Variants in FZD3 observed in about 807,000 individuals in gnomAD.
FZD3 encodes frizzled-3.
A neutral mutation model predicts 60.7 loss-of-function variants in FZD3; 30 were observed. That is an observed-to-expected ratio of 0.49 (90% confidence interval 0.37 to 0.67). The LOEUF (loss-of-function observed/expected upper bound fraction) is 0.67, where lower values mean the gene tolerates loss of function less well. Among genes scored for constraint, FZD3 ranks in the 30% least tolerant of loss-of-function variants. The probability of loss-of-function intolerance (pLI) is 0.00; values close to 1 mark genes in which losing one functional copy is unlikely to be tolerated. For synonymous variants in FZD3, 246 were observed against 275.2 expected (o/e 0.89, Z 1.05); for missense variants, 605 against 838.7 (o/e 0.72, Z 3.44).
chr8:28,541,073 T>C (rs1291397523), intron 5 of FZD3, among the ~76,000 whole-genome samples: 1 of 152,230 alleles, frequency 6.6e-6, no homozygotes, highest in Non-Finnish European at 1.5e-5. Context: ...ATGGCCTGTT[T>C]TACGTACTAA....
intron 7 of FZD3, among the ~76,000 whole-genome samples, chr8:28,557,637 G>A (rs1448606611): frequency 2.6e-5 from 4 of 152,100 alleles, no homozygotes; most frequent in Admixed American, 2.6e-4. Context: ...TGACTATTTT[G>A]AATATTTTTC....
At chr8:28,545,135 G>A (rs1416870810) in intron 5 of FZD3, among the ~76,000 whole-genome samples, 2 of 152,118 alleles carry the variant, frequency 1.3e-5, no homozygotes, top group African/African-American at 4.8e-5. Context: ...GTTATGGAGG[G>A]GACAAACATT....
chr8:28,549,329 G>T (rs1387986540), intron 5 of FZD3, among the ~76,000 whole-genome samples: 1 of 152,116 alleles, frequency 6.6e-6, no homozygotes, highest in African/African-American at 2.4e-5. Context: ...TTGGATAGAG[G>T]AGACAGTTTA....
chr8:28,527,639 C>CT lies in FZD3; in HGVS notation c.880dup (p.Tyr294LeufsTer28), dbSNP rs754763626. ...CCTGTACCATGCTTTTTATGATACT[C>CT]TATTTTTTTACTATGGCTGGCAGTG... On this transcript the variant is annotated frameshift_variant, in exon 5 of 8. Transcript: ENST00000240093. LOFTEE classifies it high-confidence loss of function. This position sits in a 1 kb window ranked among gnomAD's most constrained non-coding sequence, Gnocchi z 5.0. 1.2e-6 allele frequency: 2 copies of CT among 1,614,020 alleles called. No homozygotes were observed. The highest frequency in any genetic ancestry group is 1.7e-5 in the Admixed American group (1 of 59,996).
Position 28,569,483 on chromosome 8 carries a change from T to A in FZD3, c.*6472T>A, listed in dbSNP as rs1174869340. 2 of 151,992 alleles carry A rather than the reference T, an allele frequency of 1.3e-5. No individual in the cohort carries two copies. Among genetic ancestry groups the A allele is most frequent in the Non-Finnish European group, 2.9e-5 (2 of 67,964 alleles). 9.4% of individuals were successfully genotyped at this position (151,992 alleles called of 1,614,324 possible). A position where few individuals can be genotyped will look rare whatever the true frequency, so the allele number is the denominator to read the frequency against. On this transcript the variant is annotated 3_prime_UTR_variant, in exon 8 of 8. Coordinates refer to ENST00000240093, the MANE Select transcript of FZD3 (RefSeq NM_017412.4). The stretch of plus-strand genomic sequence containing the variant: ...GGTAGCGTCTAAAATTCCGCCCAGC[T>A]CTCATTTGGTTCTCATTTGACCATT...
chr8:28,551,084 C>A (rs181995303), intron 5 of FZD3, among the ~76,000 whole-genome samples: 4,768 of 151,920 alleles, frequency 0.031, 153 homozygotes, highest in East Asian at 0.15. Context: ...TATCATCTAT[C>A]TAGATAGATA....
intron 3 of FZD3, among the ~76,000 whole-genome samples, chr8:28,512,663 A>G (rs1351882315): frequency 2.0e-5 from 3 of 152,158 alleles, no homozygotes; most frequent in Non-Finnish European, 2.9e-5. Context: ...TTTAGTATTT[A>G]TTAAATATAT....
At chr8:28,559,451 C>T (rs181446559) in intron 7 of FZD3, among the ~76,000 whole-genome samples, 114 of 152,198 alleles carry the variant, frequency 7.5e-4, no homozygotes, top group African/African-American at 2.7e-3. Flanking sequence ...TAGGTGACAC[C>T]GTATTCCTCC....
At chr8:28,560,455 C>T (rs1043531752) in intron 7 of FZD3, among the ~76,000 whole-genome samples, 1 of 151,914 alleles carries the variant, frequency 6.6e-6, no homozygotes, top group Non-Finnish European at 1.5e-5. Context: ...GCAGGTTGTT[C>T]ATATTCTAAA....
chr8:28,535,925 T>C (rs1236292372), intron 5 of FZD3, among the ~76,000 whole-genome samples: 3 of 152,190 alleles, frequency 2.0e-5, no homozygotes, highest in African/African-American at 7.2e-5. Context: ...TAGCATAATA[T>C]TCGTTAAAAA....
chr8:28,572,300 CAAA>C lies in FZD3; in HGVS notation c.*9290_*9292del, dbSNP rs1805821602. On this transcript the variant is annotated 3_prime_UTR_variant, in exon 8 of 8. Transcript: ENST00000240093. ...ATAATAGATATATTCAAGAAGGAAC[CAAA>C]CTTTAAAAGATCTTTTAGAATAGGT... 1 of 152,026 alleles carries C rather than the reference CAAA, an allele frequency of 6.6e-6. No homozygotes were observed. Among genetic ancestry groups the C allele is most frequent in the Admixed American group, 6.6e-5 (1 of 15,264 alleles). The allele number at this position is 152,026 out of a possible 1,614,324, so 9.4% of individuals were successfully genotyped here. A position where few individuals can be genotyped will look rare whatever the true frequency, so the allele number is the denominator to read the frequency against.
chr8:28,523,899 A>G (rs571579094), intron 4 of FZD3, among the ~76,000 whole-genome samples: 4 of 152,124 alleles, frequency 2.6e-5, no homozygotes, highest in Admixed American at 2.0e-4. Context: ...TCAGGGAGGC[A>G]TTAGTTATTG....
At chr8:28,516,198 T>G (rs1170377054) in intron 3 of FZD3, among the ~76,000 whole-genome samples, 1 of 152,254 alleles carries the variant, frequency 6.6e-6, no homozygotes, top group Admixed American at 6.5e-5. Context: ...TTGTTGAAAA[T>G]GAATTGGCCA....
intron 4 of FZD3, among the ~76,000 whole-genome samples, chr8:28,523,115 C>T (rs886402505): frequency 6.6e-6 from 1 of 152,138 alleles, no homozygotes; most frequent in Non-Finnish European, 1.5e-5. Context: ...TCATAGCTCT[C>T]ATACTTTTGT....
chr8:28,542,724 A>T (rs1011582862), intron 5 of FZD3, among the ~76,000 whole-genome samples: 1 of 152,186 alleles, frequency 6.6e-6, no homozygotes, highest in Non-Finnish European at 1.5e-5. Context: ...CTTGTGTTTT[A>T]GTTCTTATTG....
intron 2 of FZD3, among the ~76,000 whole-genome samples, chr8:28,501,971 G>A (rs371846586): frequency 1.5e-4 from 23 of 152,214 alleles, no homozygotes; most frequent in South Asian, 8.3e-4. Context: ...GGTTGATAGA[G>A]GTAGCATTTG....
chr8:28,557,514 T>G (rs1383843576), intron 7 of FZD3, among the ~76,000 whole-genome samples: 2 of 152,216 alleles, frequency 1.3e-5, no homozygotes, highest in African/African-American at 4.8e-5. Flanking sequence ...TCAACTTGTT[T>G]TCTTTTACCT....
At chr8:28,526,694 ATACAAATCAGC>A (rs1349053563) in intron 4 of FZD3, among the ~76,000 whole-genome samples, 3 of 152,200 alleles carry the variant, frequency 2.0e-5, no homozygotes, top group African/African-American at 7.2e-5. Context: ...AGATTTGAAG[ATACAAATCAGC>A]TACAGCATAA....
Position 28,551,749 on chromosome 8 carries a change from A to G in FZD3, c.1551A>G (p.Lys517=). 6.3e-7 allele frequency: 1 copy of G among 1,599,706 alleles called. No homozygotes were observed. Among genetic ancestry groups the G allele is most frequent in the African/African-American group, 1.4e-5 (1 of 73,958 alleles). ...WASFFHGRRK[K]EIVNESRQVL... ...GTTTTTTTCATGGTCGTAGGAAAAA[A>G]GAGTAAGTTGAAATAAATGATCACA... Residue 517 remains lysine, a splice_region_variant and synonymous_variant, in exon 6 of 8, where the codon AAA becomes AAG. Coordinates refer to ENST00000240093, the MANE Select transcript of FZD3 (RefSeq NM_017412.4).
Sources: gnomAD v4.1 joint callset for allele counts (sites outside exome capture counted in the v4.1 genomes callset) on GRCh38, gnomAD v4.1.1 for gene constraint, Gnocchi (gnomAD v3.1) non-coding constraint, MANE v1.5 for transcripts, NCBI Gene and HGNC (gene_info 2026-07-23, HGNC 2026-07-21) for gene names.